Variants in AFAP1 observed in about 807,000 individuals in gnomAD.
AFAP1 encodes actin filament-associated protein 1.
A neutral mutation model predicts 93.9 loss-of-function variants in AFAP1; 75 were observed. That is an observed-to-expected ratio of 0.80 (90% CI 0.66 to 0.97). The LOEUF is 0.97. Among genes scored for constraint, AFAP1 ranks in the 50% least tolerant of loss-of-function variants. The probability of loss-of-function intolerance (pLI) is 0.00; values close to 1 mark genes in which losing one functional copy is unlikely to be tolerated. For missense variants in AFAP1, 1,201 were observed against 1,050.8 expected (o/e 1.14, Z -1.98); for synonymous variants, 517 against 430.7 (o/e 1.20, Z -2.48).
chr4:7,932,890 C>T (rs2385912), intron 1 of AFAP1, among the ~76,000 whole-genome samples: 53,917 of 151,592 alleles, frequency 0.36, 10,291 homozygotes, highest in African/African-American at 0.48. Flanking sequence ...CTTGGTGGCA[C>T]GTGCCTGTAG....
intron 1 of AFAP1, among the ~76,000 whole-genome samples, chr4:7,920,663 C>T (rs1720388019): frequency 1.3e-5 from 2 of 152,252 alleles, no homozygotes; most frequent in Admixed American, 1.3e-4. Context: ...AAGCTACCAA[C>T]CTTTCTCTTA....
At position 7,758,981 on chromosome 4, in the gene AFAP1, A is replaced by G. The variant is rs1159805873; in HGVS notation, c.*4784T>C. On this transcript the variant is annotated 3_prime_UTR_variant, in exon 18 of 18. Coordinates refer to ENST00000420658, the MANE Select transcript of AFAP1 (RefSeq NM_001134647.2). The stretch of plus-strand genomic sequence containing the variant: ...GGCACTACTAACATATTTAATTTAA[A>G]AAAATCTTTGCTGTTTCTTTGCCTG... 6.6e-6 allele frequency: 1 copy of G among 152,522 alleles called. No homozygotes were observed. Among genetic ancestry groups the G allele is most frequent in the Non-Finnish European group, 1.5e-5 (1 of 68,038 alleles). The allele number at this position is 152,522 out of a possible 1,614,324, so 9.4% of individuals were successfully genotyped here. A position where few individuals can be genotyped will look rare whatever the true frequency, so the allele number is the denominator to read the frequency against.
At chr4:7,776,263 C>CA (rs1397672787) in intron 14 of AFAP1, 2 of 152,144 alleles carry the variant, frequency 1.3e-5, no homozygotes, top group Admixed American at 1.3e-4. Flanking sequence ...ACACTGGACT[C>CA]AGAGAGGTGG....
At chr4:7,845,010 C>A (rs1253483671) in intron 4 of AFAP1, among the ~76,000 whole-genome samples, 2 of 152,232 alleles carry the variant, frequency 1.3e-5, no homozygotes, top group Non-Finnish European at 2.9e-5. Flanking sequence ...TTGCTGGAAA[C>A]TGGAGTTTAA....
Position 7,773,008 on chromosome 4 carries a change from T to C in AFAP1, c.2065A>G (p.Arg689Gly), listed in dbSNP as rs1715652685. 9.9e-6 allele frequency: 16 copies of C among 1,608,116 alleles called. No homozygotes were observed. Among genetic ancestry groups the C allele is most frequent in the Non-Finnish European group, 1.4e-5 (16 of 1,179,810 alleles). The change falls in exon 16 of 18, where the codon AGG becomes GGG. Residue 689 changes from arginine (R) to glycine (G), a missense_variant and splice_region_variant. Arg to Gly is a moderately radical substitution (Grantham distance 125). Coordinates refer to ENST00000420658, the MANE Select transcript of AFAP1 (RefSeq NM_001134647.2). Reference sequence around the variant, plus strand: ...TCCTCCAGGATCGCCTGCGGCTTCCTGCCTGGAATTCCCAGAAACGCCGTT... The same window carrying C: ...TCCTCCAGGATCGCCTGCGGCTTCCCGCCTGGAATTCCCAGAAACGCCGTT... ...LRAAIEVNAG[R>G]KPQAILEEKL...
intron 1 of AFAP1, among the ~76,000 whole-genome samples, chr4:7,877,351 C>T (rs1274536936): frequency 3.9e-5 from 6 of 152,324 alleles, no homozygotes; most frequent in East Asian, 1.9e-4. Context: ...AAGAATGCAG[C>T]GAAGACGCAC....
At chr4:7,774,558 G>A in intron 15 of AFAP1, 181 bp downstream of exon 15, 2 of 942,286 alleles carry the variant, frequency 2.1e-6, no homozygotes, top group Non-Finnish European at 3.0e-6. Flanking sequence ...TGACCACACA[G>A]GCACCTGCCT....
At chr4:7,868,823 T>G in intron 2 of AFAP1, 104 bp from the exon 3 acceptor site, 16 of 959,726 alleles carry the variant, frequency 1.7e-5, no homozygotes, top group Non-Finnish European at 2.5e-5. Context: ...ACTTTGCAAA[T>G]ATTTATTTTC....
Position 7,760,586 on chromosome 4 carries a change from C to G in AFAP1, c.*3179G>C, listed in dbSNP as rs2240056. ...GCAGATTCTGGGAAGAGGGAGCCATCGCCCATGCCTGTGCCCAGGTCAGGG... is the reference window on the plus strand; with the variant it reads ...GCAGATTCTGGGAAGAGGGAGCCATGGCCCATGCCTGTGCCCAGGTCAGGG... On this transcript the variant is annotated 3_prime_UTR_variant, in exon 18 of 18. Transcript: ENST00000420658. 108,189 of 152,290 alleles carry G rather than the reference C, an allele frequency of 0.71. 38,708 individuals are homozygous for G. The highest frequency in any genetic ancestry group is 0.76 in the Non-Finnish European group (51,882 of 68,052). The allele number at this position is 152,290 out of a possible 1,614,324, so 9.4% of individuals were successfully genotyped here.
At chr4:7,834,906 C>A (rs909047061) in intron 6 of AFAP1, among the ~76,000 whole-genome samples, 7 of 151,574 alleles carry the variant, frequency 4.6e-5, no homozygotes, top group African/African-American at 1.7e-4. Flanking sequence ...CTTGAATGGA[C>A]TGCGGGCAGC....
At chr4:7,813,095 C>G (rs915647374) in intron 8 of AFAP1, among the ~76,000 whole-genome samples, 1 of 152,134 alleles carries the variant, frequency 6.6e-6, no homozygotes, top group Admixed American at 6.5e-5. Context: ...CCGCATGGAG[C>G]CTGGACTGTC....
intron 17 of AFAP1, among the ~76,000 whole-genome samples, chr4:7,767,118 G>A (rs1467055382): frequency 6.6e-6 from 1 of 152,208 alleles, no homozygotes; most frequent in African/African-American, 2.4e-5. Context: ...GGGGAACCCT[G>A]CTCAGTCCGT....
intron 17 of AFAP1, among the ~76,000 whole-genome samples, chr4:7,764,084 G>A (rs1476454448): frequency 3.3e-5 from 5 of 152,214 alleles, no homozygotes; most frequent in African/African-American, 4.8e-5. Flanking sequence ...AAAACATGGC[G>A]AGTACAGACA....
At chr4:7,834,731 C>A (rs1391842936) in intron 6 of AFAP1, among the ~76,000 whole-genome samples, 1 of 152,228 alleles carries the variant, frequency 6.6e-6, no homozygotes, top group East Asian at 1.9e-4. Context: ...GAAGAGAGAT[C>A]CAAGCTGTAG....
rs149097098 is a variant in AFAP1 at position 7,870,097 on chromosome 4, C to T, written c.128-1378G>A. The stretch of plus-strand genomic sequence containing the variant: ...TTTATACCGTCTCATTCAATCCTCA[C>T]AACATCCCATGAGGTCAATACTACC... On this transcript the variant is annotated intron_variant, in intron 2 of 17. Transcript: ENST00000420658. Among the ~76,000 whole-genome samples, 5 of 152,320 alleles carry T rather than the reference C, an allele frequency of 3.3e-5. No individual in the cohort carries two copies. The East Asian group carries it at 9.7e-4, about 29-fold the overall frequency.
intron 4 of AFAP1, 127 bp from the exon 5 acceptor site, chr4:7,843,477 T>A: frequency 1.1e-6 from 1 of 905,792 alleles, no homozygotes; most frequent in Non-Finnish European, 1.6e-6. Flanking sequence ...CTCTGCTCCT[T>A]AAGGGAAAAA....
intron 15 of AFAP1, chr4:7,773,242 T>A: frequency 1.7e-6 from 1 of 583,582 alleles, no homozygotes; most frequent in Non-Finnish European, 2.8e-6. Context: ...AAAGAGGAGA[T>A]GCTGATTCTG....
intron 6 of AFAP1, among the ~76,000 whole-genome samples, chr4:7,837,815 T>C (rs1712488483): frequency 6.6e-6 from 1 of 152,198 alleles, no homozygotes; most frequent in African/African-American, 2.4e-5. Context: ...GCTCATGAGT[T>C]TGAGACCAGC....
Position 7,772,969 on chromosome 4 carries a change from G to C in AFAP1, c.2104C>G (p.Leu702Val), listed in dbSNP as rs368535862. Residue 702 changes from leucine to valine, a missense_variant, in exon 16 of 18, where the codon CTG (leucine) becomes GTG (valine). By Grantham distance (32) the Leu-to-Val change is conservative (BLOSUM62 1). Coordinates refer to ENST00000420658, the MANE Select transcript of AFAP1 (RefSeq NM_001134647.2). ...QAILEEKLKQ[L>V]EEECRQKEAE... ...TCCTTCTGCCGGCACTCCTCCTCCA[G>C]CTGCTTCAGCTTCTCCTCCAGGATC... The C allele has an allele frequency of 1.6e-5, 25 of 1,612,544 alleles. 1 individual carries two copies. The highest frequency in any genetic ancestry group is 1.8e-5 in the Non-Finnish European group (21 of 1,180,010).
Sources: allele counts gnomAD v4.1 joint callset (sites outside exome capture counted in the v4.1 genomes callset), GRCh38; gene constraint gnomAD v4.1.1; transcripts MANE v1.5; gene names NCBI Gene and HGNC (gene_info 2026-07-23, HGNC 2026-07-21).